Variants in FAM76A observed in about 807,000 individuals in gnomAD.
The protein encoded by FAM76A is protein FAM76A.
Under a neutral mutation model 46.2 loss-of-function variants are expected in FAM76A, and 32 were observed. The observed-to-expected ratio is 0.69, with a 90% CI of 0.52 to 0.93. The LOEUF is 0.93. Among genes scored for constraint, FAM76A ranks in the 40% least tolerant of loss-of-function variants. The pLI, the probability that FAM76A is intolerant of heterozygous loss-of-function variation, is 0.00. For missense variants in FAM76A, 274 were observed against 361.5 expected (o/e 0.76, Z 1.96); for synonymous variants, 137 against 127.0 (o/e 1.08, Z -0.53).
chr1:27,735,596 G>C (rs10902667), intron 4 of FAM76A, among the ~76,000 whole-genome samples: 26,309 of 152,118 alleles, frequency 0.17, 6,007 homozygotes, highest in African/African-American at 0.52. Context: ...TGCCAACCAG[G>C]ACATCTCTTC....
chr1:27,741,193 A>ATTTTTTTTTTT (rs767134759), intron 4 of FAM76A, among the ~76,000 whole-genome samples: 1 of 116,516 alleles, frequency 8.6e-6, no homozygotes, highest in Admixed American at 9.0e-5. Flanking sequence ...GGGAGATTTG[A>ATTTTTTTTTTT]TTTTTTTTTT....
chr1:27,737,877 A>C (rs533591524), intron 4 of FAM76A, among the ~76,000 whole-genome samples: 5,720 of 146,454 alleles, frequency 0.039, 474 homozygotes, highest in African/African-American at 0.13. Context: ...ACAAAAAAAA[A>C]AAAAAAAAAA....
At chr1:27,728,366 T>G (rs2087898572) in intron 2 of FAM76A, among the ~76,000 whole-genome samples, 1 of 151,972 alleles carries the variant, frequency 6.6e-6, no homozygotes, top group African/African-American at 2.4e-5. Context: ...TCTCTTTTTT[T>G]GTTTGAAACA....
chr1:27,733,991 T>C (rs372907662), intron 3 of FAM76A, 40 bp from the exon 4 acceptor site: 620 of 1,576,462 alleles, frequency 3.9e-4, no homozygotes, highest in Non-Finnish European at 4.8e-4. Context: ...TGGTATTTTA[T>C]GAAAGTAATA....
intron 5 of FAM76A, among the ~76,000 whole-genome samples, chr1:27,747,884 C>T (rs530786265): frequency 9.2e-5 from 14 of 152,144 alleles, no homozygotes; most frequent in African/African-American, 2.9e-4. Flanking sequence ...CGTGCCACTG[C>T]ACTCCAGCTT....
intron 2 of FAM76A, among the ~76,000 whole-genome samples, chr1:27,727,883 C>G (rs114108006): frequency 0.032 from 4,378 of 138,592 alleles, 233 homozygotes; most frequent in African/African-American, 0.11. Flanking sequence ...TCTCAGCTCA[C>G]TGCAACCCTT....
intron 1 of FAM76A, among the ~76,000 whole-genome samples, chr1:27,726,722 T>C (rs2087867551): frequency 6.6e-6 from 1 of 152,086 alleles, no homozygotes; most frequent in African/African-American, 2.4e-5. Flanking sequence ...ACAGTCAGGC[T>C]CACAGATCCG....
At position 27,761,222 on chromosome 1, in the gene FAM76A, A is replaced by C. The variant is rs548742683; in HGVS notation, c.*641A>C. The C allele has an allele frequency of 5.3e-5, 8 of 150,196 alleles. No individual in the cohort carries two copies. Among genetic ancestry groups the C allele is most frequent in the Admixed American group, 2.7e-4 (4 of 14,782 alleles). The allele number at this position is 150,196 out of a possible 1,614,324, so 9.3% of individuals were successfully genotyped here. A position where few individuals can be genotyped will look rare whatever the true frequency, so the allele number is the denominator to read the frequency against. ...GAAACTTTTTCTTGATAAAGGAATA[A>C]TGGTGGTCTAGCTAGTTCTTGTAAA... On this transcript the variant is annotated 3_prime_UTR_variant, in exon 9 of 9. Transcript: ENST00000373954.
At chr1:27,741,347 A>G (rs1453360791) in intron 4 of FAM76A, among the ~76,000 whole-genome samples, 1 of 151,868 alleles carries the variant, frequency 6.6e-6, no homozygotes, top group Non-Finnish European at 1.5e-5. Context: ...CACCACGCCC[A>G]GCTAATCTTT....
chr1:27,733,919 C>A, intron 3 of FAM76A, 112 bp from the exon 4 acceptor site: 1 of 1,003,464 alleles, frequency 1.0e-6, no homozygotes, highest in Non-Finnish European at 1.5e-6. Flanking sequence ...ATGAAGTCGG[C>A]AATACATTTG....
Position 27,760,519 on chromosome 1 carries a change from C to T in FAM76A, c.862C>T (p.Gln288Ter). 1.9e-6 allele frequency: 3 copies of T among 1,611,984 alleles called. 1 individual carries two copies. Among genetic ancestry groups the T allele is most frequent in the Non-Finnish European group, 8.5e-7 (1 of 1,178,742 alleles). Reference protein sequence around the residue: ...LQAKNRELLKQAAALSKSKKS... With the variant: ...LQAKNRELLK ...GGCCAAAAACCGAGAGCTCCTGAAG[C>T]AGGCAGCTGCTTTGTCCAAGAGCAA... Residue 288 changes from glutamine to a stop codon, truncating the protein, a stop_gained, in exon 9 of 9, where the codon CAG (glutamine) becomes TAG (stop). Transcript: ENST00000373954. LOFTEE classifies it high-confidence loss of function.
chr1:27,732,761 G>A, intron 3 of FAM76A, 104 bp downstream of exon 3: 1 of 820,164 alleles, frequency 1.2e-6, no homozygotes, highest in Non-Finnish European at 1.9e-6. Context: ...TAGAATAAAT[G>A]GTTATGTGTA....
chr1:27,735,668 C>T lies in FAM76A; in HGVS notation c.354+1485C>T, dbSNP rs553863325. Among the ~76,000 whole-genome samples, 3 of 152,260 alleles carry T rather than the reference C, an allele frequency of 2.0e-5. No homozygotes were observed. In the East Asian group the frequency reaches 5.8e-4, roughly 29 times the overall value. On this transcript the variant is annotated intron_variant, in intron 4 of 8. Transcript: ENST00000373954. ...CAGGAGGTAGCACAAGCAGCAGTCCCCCAAACCTGGGTCCCATCCGACTCC... is the reference window on the plus strand; with the variant it reads ...CAGGAGGTAGCACAAGCAGCAGTCCTCCAAACCTGGGTCCCATCCGACTCC...
At position 27,761,259 on chromosome 1, in the gene FAM76A, T is replaced by G. The variant is rs1212863961; in HGVS notation, c.*678T>G. 3 of 5,170 alleles carry G rather than the reference T, an allele frequency of 5.8e-4. No homozygotes were observed. The African/African-American group carries it at 7.9e-3, about 14-fold the overall frequency. 0.3% of individuals were successfully genotyped at this position (5,170 alleles called of 1,614,324 possible). A position where few individuals can be genotyped will look rare whatever the true frequency, so the allele number is the denominator to read the frequency against. ...CTAGTTCTTGTAAAAGTGATGCCTCTTGAAAAAAAAACAGTCCTATTCACT... is the reference window on the plus strand; with the variant it reads ...CTAGTTCTTGTAAAAGTGATGCCTCGTGAAAAAAAAACAGTCCTATTCACT... On this transcript the variant is annotated 3_prime_UTR_variant, in exon 9 of 9. Transcript: ENST00000373954.
intron 4 of FAM76A, 84 bp downstream of exon 4, chr1:27,734,267 GC>G (rs2088007736): frequency 5.6e-6 from 8 of 1,418,268 alleles, no homozygotes; most frequent in Non-Finnish European, 6.6e-6. Context: ...CATTTAATAG[GC>G]CGGGCGTGGT....
At chr1:27,734,403 C>A (rs1200137485) in intron 4 of FAM76A, among the ~76,000 whole-genome samples, 14 of 151,986 alleles carry the variant, frequency 9.2e-5, no homozygotes, top group Admixed American at 9.2e-4. Flanking sequence ...AAAAATTAGC[C>A]AGGCGTGGTG....
chr1:27,754,478 G>A (rs2088379812), intron 6 of FAM76A, among the ~76,000 whole-genome samples: 1 of 152,178 alleles, frequency 6.6e-6, no homozygotes, highest in African/African-American at 2.4e-5. Context: ...AAAATAGAGT[G>A]CTCTAATGCT....
intron 8 of FAM76A, 138 bp downstream of exon 8, chr1:27,759,765 G>GTT: frequency 1.6e-6 from 1 of 611,766 alleles, no homozygotes; most frequent in South Asian, 2.2e-5. Context: ...CCCCCTTTTA[G>GTT]GTTTTTTTTT....
At chr1:27,739,291 C>T in intron 4 of FAM76A, 3 of 525,320 alleles carry the variant, frequency 5.7e-6, no homozygotes, top group East Asian at 1.1e-4. Flanking sequence ...GAAGAAAAGC[C>T]TTATTGGAAA....
Sources: gnomAD v4.1 joint callset for allele counts (sites outside exome capture counted in the v4.1 genomes callset) on GRCh38, gnomAD v4.1.1 for gene constraint, MANE v1.5 for transcripts, NCBI Gene and HGNC (gene_info 2026-07-23, HGNC 2026-07-21) for gene names.